PCDHA5: variants seen among roughly 807,000 people sequenced by gnomAD.
PCDHA5 encodes the protein protocadherin alpha 5, also known as protocadherin alpha-5.
PCDHA5 carries 43 observed loss-of-function variants against 61.6 expected under a neutral mutation model. That is an observed-to-expected ratio of 0.70 (90% CI 0.55 to 0.90). PCDHA5 has a LOEUF of 0.90. PCDHA5 is among the 40% of genes least tolerant of loss of function. The pLI is 0.00. For synonymous variants in PCDHA5, 627 were observed against 543.9 expected (o/e 1.15, Z -2.13); for missense variants, 1,298 against 1,222.7 (o/e 1.06, Z -0.92).
chr5:140,829,866 C>T (rs180987045), intron 1 of PCDHA5: 8 of 1,613,772 alleles, frequency 5.0e-6, no homozygotes, highest in African/African-American at 2.7e-5. Flanking sequence ...CAAGTGGTGG[C>T]GAAGGTGCGC....
At chr5:140,863,761 A>C (rs1000713461) in intron 1 of PCDHA5, 5 of 242,322 alleles carry the variant, frequency 2.1e-5, no homozygotes, top group Non-Finnish European at 3.3e-5. Flanking sequence ...CACTTTGGGA[A>C]GCCGAGGCGG....
chr5:140,922,074 CA>C (rs1554200639), intron 1 of PCDHA5, among the ~76,000 whole-genome samples: 1 of 151,892 alleles, frequency 6.6e-6, no homozygotes, highest in Non-Finnish European at 1.5e-5. Flanking sequence ...TCCCACTAAG[CA>C]AAAAGTGGTA....
chr5:140,826,218 T>A (rs1768851358), intron 1 of PCDHA5, among the ~76,000 whole-genome samples: 1 of 152,214 alleles, frequency 6.6e-6, no homozygotes, highest in Non-Finnish European at 1.5e-5. Context: ...AAAAATCAAG[T>A]TTTGTGATAT....
At chr5:140,931,539 T>C (rs1339633476) in intron 1 of PCDHA5, among the ~76,000 whole-genome samples, 1 of 152,056 alleles carries the variant, frequency 6.6e-6, no homozygotes, top group Non-Finnish European at 1.5e-5. Context: ...AGAGATATAC[T>C]GTTCATATGT....
At chr5:140,892,439 T>G (rs2063514217) in intron 1 of PCDHA5, among the ~76,000 whole-genome samples, 1 of 152,206 alleles carries the variant, frequency 6.6e-6, no homozygotes, top group Non-Finnish European at 1.5e-5. Context: ...TTATCTAAAA[T>G]TTACATGTAT....
chr5:140,928,635 A>G lies in PCDHA5; in HGVS notation c.2353-50314A>G, dbSNP rs148091714. On this transcript the variant is annotated intron_variant, in intron 1 of 3. Transcript: ENST00000529859. ...CTGCCAGGACTGGACACTTGGTCAC[A>G]AAAGTGGTAGCAGAGGATGCTGACA... is the stretch of plus-strand genomic sequence containing the variant. 6 of 1,614,104 alleles carry G rather than the reference A, an allele frequency of 3.7e-6. No individual in the cohort carries two copies. The Middle Eastern group carries it at 4.9e-4, about 133-fold the overall frequency.
chr5:140,966,279 G>A, intron 1 of PCDHA5: 1 of 364,628 alleles, frequency 2.7e-6, no homozygotes, highest in Non-Finnish European at 4.9e-6. Flanking sequence ...ACTGGACAGT[G>A]GGGGTAGGGA....
chr5:140,857,988 T>C lies in PCDHA5; in HGVS notation c.2352+33861T>C, dbSNP rs370495338. 30 of 1,596,780 alleles carry C rather than the reference T, an allele frequency of 1.9e-5. 3 individuals carry two copies. In the African/African-American group the frequency reaches 2.3e-4, roughly 12 times the overall value. On this transcript the variant is annotated intron_variant, in intron 1 of 3. Coordinates refer to ENST00000529859, the MANE Select transcript of PCDHA5 (RefSeq NM_018908.3). Reference sequence around the variant, plus strand: ...ACTGACTCGCCACGCCAGCGCCTACTGGTGCTGGTGAAGGACCATGGCGAG... The same window carrying C: ...ACTGACTCGCCACGCCAGCGCCTACCGGTGCTGGTGAAGGACCATGGCGAG...
In PCDHA5 at chr5:140,876,137, T is replaced by TA. The variant is rs781824852; in HGVS notation, c.2352+52012dup. The TA allele has an allele frequency of 1.3e-5, 21 of 1,613,798 alleles. No individual in the cohort carries two copies. The Middle Eastern group carries it at 4.9e-4, about 38-fold the overall frequency. On this transcript the variant is annotated intron_variant, in intron 1 of 3. Coordinates refer to ENST00000529859, the MANE Select transcript of PCDHA5 (RefSeq NM_018908.3). Reference sequence around the variant, plus strand: ...GTAATCGATGGCGGTAAACCAGAACTAACAGGGTCTGTCCAGATTCAAATA... The same window carrying TA: ...GTAATCGATGGCGGTAAACCAGAACTAAACAGGGTCTGTCCAGATTCAAATA...
chr5:140,958,484 G>T (rs246009), intron 1 of PCDHA5, among the ~76,000 whole-genome samples: 1 of 151,754 alleles, frequency 6.6e-6, no homozygotes, highest in Non-Finnish European at 1.5e-5. Flanking sequence ...AGAGCACTAA[G>T]TCCACATATC....
intron 1 of PCDHA5, among the ~76,000 whole-genome samples, chr5:140,903,657 A>G (rs913315008): frequency 6.6e-6 from 1 of 152,230 alleles, no homozygotes; most frequent in Non-Finnish European, 1.5e-5. Flanking sequence ...TATATTATAA[A>G]TTTAACTGAT....
intron 1 of PCDHA5, among the ~76,000 whole-genome samples, chr5:140,957,165 A>G (rs2095338056): frequency 6.6e-6 from 1 of 152,190 alleles, no homozygotes; most frequent in Non-Finnish European, 1.5e-5. Context: ...AAATCTAAGT[A>G]TATAAATTGG....
intron 1 of PCDHA5, chr5:140,860,501 CA>C (rs2046424429): frequency 6.6e-6 from 1 of 151,970 alleles, no homozygotes; most frequent in Non-Finnish European, 1.5e-5. Context: ...TGTCTACATA[CA>C]AGATAAAACT....
intron 1 of PCDHA5, chr5:140,842,411 C>A (rs2150335386): frequency 1.9e-6 from 3 of 1,612,732 alleles, no homozygotes; most frequent in Non-Finnish European, 2.5e-6. Context: ...TGAAGACGCT[C>A]AATTTGGTAC....
intron 1 of PCDHA5, among the ~76,000 whole-genome samples, chr5:140,961,519 A>G (rs246002): frequency 0.56 from 85,694 of 152,068 alleles, 24,757 homozygotes; most frequent in African/African-American, 0.69. Flanking sequence ...ATGTCTCCAC[A>G]AATTCTAGAT....
intron 1 of PCDHA5, among the ~76,000 whole-genome samples, chr5:140,832,590 A>G (rs1369874784): frequency 6.6e-6 from 1 of 152,206 alleles, no homozygotes; most frequent in Admixed American, 6.5e-5. Flanking sequence ...GGAAGTAGAG[A>G]ACTATAGCGT....
chr5:140,848,541 C>T (rs2150412469), intron 1 of PCDHA5: 3 of 1,595,306 alleles, frequency 1.9e-6, no homozygotes, highest in African/African-American at 1.3e-5. Context: ...GCCTCTACTG[C>T]TCTCGCTTCT....
rs1337537154 is a variant in PCDHA5, at chr5:140,853,299, T to G, written c.2352+29172T>G. 5.1e-6 allele frequency: 5 copies of G among 982,044 alleles called. No homozygotes were observed. In the African/African-American group the frequency reaches 7.1e-5, roughly 14 times the overall value. 60.8% of individuals were successfully genotyped at this position (982,044 alleles called of 1,614,324 possible). The stretch of plus-strand genomic sequence containing the variant: ...ATCATATGCAAATTCTCAGAAGGGC[T>G]GTGAACACCTTAGTAATAAATTTAT... On this transcript the variant is annotated intron_variant, in intron 1 of 3. Coordinates refer to ENST00000529859, the MANE Select transcript of PCDHA5 (RefSeq NM_018908.3).
At chr5:141,001,683 C>T (rs1042436989) in intron 3 of PCDHA5, among the ~76,000 whole-genome samples, 1 of 152,030 alleles carries the variant, frequency 6.6e-6, no homozygotes, top group Non-Finnish European at 1.5e-5. Flanking sequence ...TCCAACAAAC[C>T]CCACAGATGG....
Sources: allele counts gnomAD v4.1 joint callset (sites outside exome capture counted in the v4.1 genomes callset), GRCh38; gene constraint gnomAD v4.1.1; transcripts MANE v1.5; gene names NCBI Gene and HGNC (gene_info 2026-07-23, HGNC 2026-07-21).